ANKRD42: variants seen among roughly 807,000 people sequenced by gnomAD.
ANKRD42 encodes the protein ankyrin repeat domain 42.
In ANKRD42, 43 loss-of-function variants were observed where a neutral mutation model predicts 51.5. That is an observed-to-expected ratio of 0.83 (90% CI 0.65 to 1.08). The LOEUF (loss-of-function observed/expected upper bound fraction) is 1.08. Ranked by LOEUF, ANKRD42 falls within the 50% of genes least tolerant of loss-of-function variation. The pLI is 0.00. For missense variants in ANKRD42, 608 were observed against 629.3 expected, an observed-to-expected ratio of 0.97 and a Z score of 0.36; for synonymous variants, 203 against 213.0, an observed-to-expected ratio of 0.95 and a Z score of 0.41.
In ANKRD42 at chr11:83,194,393, G is replaced by C. The variant is rs1272435310; in HGVS notation, c.-278G>C. On this transcript the variant is annotated 5_prime_UTR_variant, in exon 1 of 11. Transcript: ENST00000533342. Reference sequence around the variant, plus strand: ...GTTGGTAGTTCTTGGGAGGAAGTAAGTGGAGACCGCGGCTACGCAGCCAGC... The same window carrying C: ...GTTGGTAGTTCTTGGGAGGAAGTAACTGGAGACCGCGGCTACGCAGCCAGC... The C allele has an allele frequency of 3.0e-6, 2 of 657,938 alleles. No homozygotes were observed. The highest frequency in any genetic ancestry group is 4.1e-5 in the Admixed American group (2 of 48,458). 40.8% of individuals were successfully genotyped at this position (657,938 alleles called of 1,614,324 possible).
At position 83,204,844 on chromosome 11, in the gene ANKRD42, G is replaced by A. The variant is rs548229034; in HGVS notation, c.223-1214G>A. On this transcript the variant is annotated intron_variant, in intron 2 of 10. Transcript: ENST00000533342. ...GCAGTAAGAAAAAAAATTTTAATGG[G>A]CAAAAGACTTCAGTTGACACTTTCT... 3.9e-5 allele frequency among the ~76,000 whole-genome samples: 6 copies of A among 152,158 alleles called. No individual in the cohort carries two copies. The East Asian group carries it at 1.2e-3, about 29-fold the overall frequency.
chr11:83,204,094 C>T (rs1861976018), intron 2 of ANKRD42, among the ~76,000 whole-genome samples: 1 of 152,112 alleles, frequency 6.6e-6, no homozygotes. Flanking sequence ...AGGTGCCCGC[C>T]ACCACGCCTG....
chr11:83,214,708 ATAT>A (rs1419768993), intron 5 of ANKRD42: 2 of 278,822 alleles, frequency 7.2e-6, no homozygotes, highest in East Asian at 3.5e-4. Flanking sequence ...CATCCCTTAA[ATAT>A]TTCTTTTATA....
intron 2 of ANKRD42, among the ~76,000 whole-genome samples, chr11:83,200,745 A>C (rs17144801): frequency 0.023 from 3,536 of 152,196 alleles, 131 homozygotes; most frequent in African/African-American, 0.081. Context: ...ACTATATACA[A>C]AGCTATTTTC....
At chr11:83,233,738 A>G (rs1331841296) in intron 7 of ANKRD42, among the ~76,000 whole-genome samples, 1 of 152,132 alleles carries the variant, frequency 6.6e-6, no homozygotes, top group East Asian at 1.9e-4. Flanking sequence ...GCTGGAGTGC[A>G]GTGGTGCCAT....
intron 8 of ANKRD42, among the ~76,000 whole-genome samples, chr11:83,239,850 G>T (rs935274796): frequency 2.0e-5 from 3 of 152,182 alleles, no homozygotes; most frequent in Admixed American, 6.5e-5. Flanking sequence ...TGGTGTGGGT[G>T]TAGGGTTATT....
At chr11:83,216,847 G>A (rs187193620) in intron 5 of ANKRD42, among the ~76,000 whole-genome samples, 131 of 152,302 alleles carry the variant, frequency 8.6e-4, no homozygotes, top group South Asian at 7.7e-3. Flanking sequence ...AGCCCAGCTG[G>A]CCCCTCCTCT....
Position 83,245,579 on chromosome 11 carries a change from CAGA to C in ANKRD42, c.1284_1286del (p.Glu428del). The C allele has an allele frequency of 6.5e-7, 1 of 1,536,578 alleles. No individual in the cohort carries two copies. The highest frequency in any genetic ancestry group is 8.7e-7 in the Non-Finnish European group (1 of 1,146,968). ...AACTATAAACACTTGGGAGGCATAACAGAAGAAGATTTAAAGCAGAAGAAAGAA... is the reference window on the plus strand; with the variant it reads ...AACTATAAACACTTGGGAGGCATAACAGAAGATTTAAAGCAGAAGAAAGAA... On this transcript the variant is annotated inframe_deletion, in exon 10 of 11. Transcript: ENST00000533342.
At chr11:83,233,469 T>C (rs140426420) in intron 7 of ANKRD42, among the ~76,000 whole-genome samples, 206 of 152,298 alleles carry the variant, frequency 1.4e-3, no homozygotes, top group African/African-American at 4.8e-3. Context: ...TTGGATCTTC[T>C]CTCTTTTTTT....
At chr11:83,227,969 CT>C (rs763982681) in intron 7 of ANKRD42, 97 bp downstream of exon 7, 33 of 1,409,562 alleles carry the variant, frequency 2.3e-5, no homozygotes, top group Non-Finnish European at 2.5e-5. Flanking sequence ...AAACATGAAA[CT>C]TTTTTCTGAT....
intron 7 of ANKRD42, among the ~76,000 whole-genome samples, chr11:83,235,611 A>G (rs1201165195): frequency 6.6e-6 from 1 of 152,260 alleles, no homozygotes; most frequent in Non-Finnish European, 1.5e-5. Flanking sequence ...TATGAAGATT[A>G]TAGCCCTGTC....
chr11:83,197,475 A>T (rs1278223121), intron 1 of ANKRD42, among the ~76,000 whole-genome samples: 1 of 152,246 alleles, frequency 6.6e-6, no homozygotes, highest in African/African-American at 2.4e-5. Flanking sequence ...CCAGTGTAAA[A>T]TATTATTTTT....
intron 5 of ANKRD42, chr11:83,213,939 G>A (rs1360232016): frequency 6.6e-6 from 1 of 152,336 alleles, no homozygotes; most frequent in Non-Finnish European, 1.5e-5. Context: ...CGCACAGGCT[G>A]GAGTGCAGTG....
At chr11:83,203,017 G>T (rs1199540861) in intron 2 of ANKRD42, among the ~76,000 whole-genome samples, 29 of 127,896 alleles carry the variant, frequency 2.3e-4, no homozygotes, top group African/African-American at 7.6e-4. Flanking sequence ...TTCAGACAGG[G>T]TATCGCTCTT....
In ANKRD42 at chr11:83,248,123, G is replaced by T. The variant is rs1186382023; in HGVS notation, c.1503G>T (p.Lys501Asn). The T allele has an allele frequency of 3.2e-6, 5 of 1,546,418 alleles. No homozygotes were observed. In the African/African-American group the frequency reaches 6.8e-5, roughly 21 times the overall value. Residue 501 changes from lysine (K) to asparagine (N), a missense_variant, in exon 11 of 11, where the codon AAG becomes AAT. Lys to Asn is a moderately conservative substitution (Grantham distance 94). Transcript: ENST00000533342. ...TTTTTAATACATTTATTTTTCTCAA[G>T]AAGTATATACAAGAGTGGCCAAGAG... Reference protein sequence around the residue: ...GVLFNTFIFLKKYIQEWPRVQ... With the variant: ...GVLFNTFIFLNKYIQEWPRVQ...
Position 83,193,974 on chromosome 11 carries a change from C to T in ANKRD42, c.-697C>T, listed in dbSNP as rs538884133. ...AATGTGAAGAGAGCGACCGCCGCTC[C>T]AGGGTCGCTGCAGGAAGCCTAAGTG... is the stretch of plus-strand genomic sequence containing the variant. On this transcript the variant is annotated 5_prime_UTR_variant, in exon 1 of 11. Transcript: ENST00000533342. 6.6e-6 allele frequency: 3 copies of T among 456,374 alleles called. No homozygotes were observed. The highest frequency in any genetic ancestry group is 3.1e-5 in the South Asian group (2 of 64,568). The allele number at this position is 456,374 out of a possible 1,614,324, so 28.3% of individuals were successfully genotyped here.
At chr11:83,204,259 A>G (rs1861984646) in intron 2 of ANKRD42, among the ~76,000 whole-genome samples, 1 of 152,194 alleles carries the variant, frequency 6.6e-6, no homozygotes, top group South Asian at 2.1e-4. Flanking sequence ...TTGATTTTTA[A>G]CAAAGATGCA....
chr11:83,207,177 G>C (rs142141859), intron 3 of ANKRD42, among the ~76,000 whole-genome samples: 1 of 152,094 alleles, frequency 6.6e-6, no homozygotes, highest in Non-Finnish European at 1.5e-5. Context: ...ATCAGATCTC[G>C]TGAGAACTCA....
At chr11:83,204,100 G>A (rs994495946) in intron 2 of ANKRD42, among the ~76,000 whole-genome samples, 2 of 151,906 alleles carry the variant, frequency 1.3e-5, no homozygotes, top group Non-Finnish European at 1.5e-5. Flanking sequence ...CCGCCACCAC[G>A]CCTGTCTAAT....
Sources: allele counts gnomAD v4.1 joint callset (sites outside exome capture counted in the v4.1 genomes callset), GRCh38; gene constraint gnomAD v4.1.1; transcripts MANE v1.5; gene names NCBI Gene and HGNC (gene_info 2026-07-23, HGNC 2026-07-21).